Variants in ASCC3 observed in about 807,000 individuals in gnomAD.
ASCC3 encodes activating signal cointegrator 1 complex subunit 3.
Under a neutral mutation model 256.3 loss-of-function variants are expected in ASCC3, and 158 were observed. The observed-to-expected ratio is 0.62, with a 90% confidence interval of 0.54 to 0.70. ASCC3 has a LOEUF of 0.70. ASCC3 is among the 30% of genes least tolerant of loss of function. The pLI is 0.00. For synonymous variants in ASCC3, 948 were observed against 883.4 expected (o/e 1.07, Z -1.30); for missense variants, 2,259 against 2,626.0 (o/e 0.86, Z 3.05).
intron 13 of ASCC3, among the ~76,000 whole-genome samples, chr6:100,693,724 CTAAG>C (rs1458570328): frequency 2.0e-5 from 3 of 152,090 alleles, no homozygotes; most frequent in Non-Finnish European, 2.9e-5. Context: ...AATATGTCTA[CTAAG>C]TGTCACCACA....
intron 33 of ASCC3, among the ~76,000 whole-genome samples, chr6:100,604,580 T>C (rs750167723): frequency 1.3e-5 from 2 of 151,780 alleles, no homozygotes; most frequent in East Asian, 3.9e-4. Flanking sequence ...CAGGACCACA[T>C]GCATGAACCA....
At chr6:100,877,002 C>T (rs1482191661) in intron 1 of ASCC3, among the ~76,000 whole-genome samples, 1 of 152,154 alleles carries the variant, frequency 6.6e-6, no homozygotes, top group Non-Finnish European at 1.5e-5. Context: ...AATTCCAGTA[C>T]ACACTATTCT....
chr6:100,673,525 G>GAA, intron 14 of ASCC3, among the ~76,000 whole-genome samples: 1 of 149,236 alleles, frequency 6.7e-6, no homozygotes, highest in East Asian at 2.0e-4. Context: ...TTAAAGCACA[G>GAA]AAAAAAAAAT....
intron 36 of ASCC3, among the ~76,000 whole-genome samples, chr6:100,550,944 T>C (rs1309618334): frequency 1.3e-5 from 2 of 151,966 alleles, no homozygotes; most frequent in African/African-American, 2.4e-5. Context: ...CTAAGTTTAA[T>C]AAGTTTCATA....
chr6:100,544,746 A>T (rs1366084018), intron 36 of ASCC3, among the ~76,000 whole-genome samples: 4 of 152,172 alleles, frequency 2.6e-5, no homozygotes, highest in Admixed American at 6.5e-5. Context: ...TTTAAGAAAG[A>T]ATTAAAACCA....
intron 13 of ASCC3, among the ~76,000 whole-genome samples, chr6:100,709,490 C>T (rs755644953): frequency 6.6e-6 from 1 of 152,218 alleles, no homozygotes; most frequent in Admixed American, 6.5e-5. Context: ...GCTTAACATG[C>T]CTTAGGTTCA....
chr6:100,763,311 A>G (rs558786607), intron 10 of ASCC3, among the ~76,000 whole-genome samples: 3 of 152,362 alleles, frequency 2.0e-5, no homozygotes, highest in African/African-American at 7.2e-5. Context: ...GGTTCAATTA[A>G]TAAACTATTT....
chr6:100,835,293 G>T (rs1771820682), intron 4 of ASCC3, among the ~76,000 whole-genome samples: 1 of 151,970 alleles, frequency 6.6e-6, no homozygotes, highest in South Asian at 2.1e-4. Context: ...AATACAATTT[G>T]TCTATTTTTG....
chr6:100,627,613 C>G lies in ASCC3; in HGVS notation c.4619G>C (p.Ser1540Thr). The change falls in exon 29 of 42, where the codon AGT becomes ACT. Residue 1540 changes from serine (S) to threonine (T), a missense_variant. By Grantham distance (58) the Ser-to-Thr change is moderately conservative. Transcript: ENST00000369162. ...ACCCTGAAATGCAGGCTTGTTCATA[C>G]TAGCCATACGAGGACAGTAATGTTG... ...PGQHYCPRMA[S>T]MNKPAFQAIR... The G allele has an allele frequency of 6.2e-7, 1 of 1,613,416 alleles. No individual in the cohort carries two copies. The highest frequency in any genetic ancestry group is 8.5e-7 in the Non-Finnish European group (1 of 1,179,648).
Position 100,661,323 on chromosome 6 carries a change from T to TCACACACACACACACACACACA in ASCC3, c.2703+461_2703+482dup, listed in dbSNP as rs749963143. On this transcript the variant is annotated intron_variant, in intron 16 of 41. Transcript: ENST00000369162. ...TGCTATGTAAATCTTAACACAAAAG[T>TCACACACACACACACACACACA]CACACACACACACACACACACACAC... Among the ~76,000 whole-genome samples the TCACACACACACACACACACACA allele has an allele frequency of 1.8e-3, 261 of 141,618 alleles. 2 individuals carry two copies. Among genetic ancestry groups the TCACACACACACACACACACACA allele is most frequent in the Non-Finnish European group, 2.8e-3 (179 of 64,436 alleles). 92.9% of individuals were successfully genotyped at this position (141,618 alleles called of 152,430 possible). A position where few individuals can be genotyped will look rare whatever the true frequency, so the allele number is the denominator to read the frequency against.
intron 11 of ASCC3, among the ~76,000 whole-genome samples, chr6:100,723,788 A>C (rs924500245): frequency 1.3e-5 from 2 of 148,618 alleles, no homozygotes; most frequent in Non-Finnish European, 3.0e-5. Flanking sequence ...GTTTATGGGC[A>C]AAAGATGTTT....
At chr6:100,563,809 CAATATTAA>C (rs1347991715) in intron 36 of ASCC3, among the ~76,000 whole-genome samples, 20 of 151,858 alleles carry the variant, frequency 1.3e-4, no homozygotes, top group Admixed American at 4.6e-4. Context: ...AATTTGCTAT[CAATATTAA>C]AATATTAAAA....
chr6:100,605,757 T>C (rs1459151000), intron 32 of ASCC3, 57 bp from the exon 33 acceptor site: 2 of 1,557,904 alleles, frequency 1.3e-6, no homozygotes, highest in Non-Finnish European at 1.8e-6. Context: ...ACAAGGTATA[T>C]TTACTGATTA....
intron 10 of ASCC3, among the ~76,000 whole-genome samples, chr6:100,727,250 T>C (rs2115042296): frequency 6.6e-6 from 1 of 152,084 alleles, no homozygotes; most frequent in South Asian, 2.1e-4. Flanking sequence ...ATTTGCATAA[T>C]CTACTAATTG....
chr6:100,735,106 T>A (rs1244686148), intron 10 of ASCC3, among the ~76,000 whole-genome samples: 1 of 152,162 alleles, frequency 6.6e-6, no homozygotes, highest in Non-Finnish European at 1.5e-5. Flanking sequence ...GACATATAAT[T>A]CTCAGTAAGG....
chr6:100,605,024 A>T (rs1277588483), intron 33 of ASCC3, among the ~76,000 whole-genome samples: 2 of 152,192 alleles, frequency 1.3e-5, no homozygotes, highest in Non-Finnish European at 2.9e-5. Context: ...AAAGAGGTAT[A>T]GGATGATTCT....
At position 100,651,541 on chromosome 6, in the gene ASCC3, A is replaced by G. The variant is rs1330609435; in HGVS notation, c.3075+19T>C. On this transcript the variant is annotated intron_variant, in intron 19 of 41. Transcript: ENST00000369162. ...CATACATGTTGTATGCATTTGATTC[A>G]AATTTCAAGAAATCTTACCTTAATT... 3.3e-6 allele frequency: 5 copies of G among 1,496,546 alleles called. No homozygotes were observed. The African/African-American group carries it at 5.5e-5, about 17-fold the overall frequency. The allele number at this position is 1,496,546 out of a possible 1,614,324, so 92.7% of individuals were successfully genotyped here. A position where few individuals can be genotyped will look rare whatever the true frequency, so the allele number is the denominator to read the frequency against.
intron 25 of ASCC3, among the ~76,000 whole-genome samples, chr6:100,632,830 A>C (rs572871912): frequency 1.8e-4 from 27 of 152,322 alleles, no homozygotes; most frequent in Admixed American, 1.5e-3. Flanking sequence ...AATGGATTAA[A>C]TAATTAAATA....
intron 25 of ASCC3, among the ~76,000 whole-genome samples, chr6:100,636,790 C>A (rs145608508): frequency 4.1e-4 from 62 of 152,268 alleles, no homozygotes; most frequent in African/African-American, 1.2e-3. Context: ...AAGATCAAAT[C>A]AACCACGATA....
Sources: allele counts gnomAD v4.1 joint callset (sites outside exome capture counted in the v4.1 genomes callset), GRCh38; gene constraint gnomAD v4.1.1; transcripts MANE v1.5; gene names NCBI Gene and HGNC (gene_info 2026-07-23, HGNC 2026-07-21).